Variants in DCDC2C observed in about 807,000 individuals in gnomAD.
The protein encoded by DCDC2C is doublecortin domain-containing protein 2C.
A neutral mutation model predicts 45.0 loss-of-function variants in DCDC2C; 44 were observed. The ratio of observed to expected loss-of-function variants is 0.98; its 90% CI spans 0.77 to 1.26. The LOEUF is 1.26. DCDC2C is among the 50% of genes most tolerant of loss of function. DCDC2C has a pLI of 0.00. For missense variants in DCDC2C, 447 were observed against 468.9 expected (o/e 0.95, Z 0.43); for synonymous variants, 187 against 178.8 (o/e 1.05, Z -0.37).
chr2:3,801,761 T>C (rs1671120155), intron 10 of DCDC2C, among the ~76,000 whole-genome samples: 1 of 152,194 alleles, frequency 6.6e-6, no homozygotes, highest in African/African-American at 2.4e-5. Flanking sequence ...ATGCCTGCCT[T>C]TCCCTGCAGC....
chr2:3,756,444 G>C (rs990158404), intron 6 of DCDC2C, among the ~76,000 whole-genome samples: 4 of 152,132 alleles, frequency 2.6e-5, no homozygotes, highest in Non-Finnish European at 5.9e-5. Context: ...ATAGCCCTGG[G>C]CTTTGCTTTT....
At chr2:3,817,117 A>T (rs1671575742) in intron 10 of DCDC2C, among the ~76,000 whole-genome samples, 1 of 152,058 alleles carries the variant, frequency 6.6e-6, no homozygotes, top group Non-Finnish European at 1.5e-5. Context: ...TGAGAAGGAG[A>T]AAAACTGCCG....
chr2:3,818,241 G>A lies in DCDC2C; in HGVS notation c.1066-28913G>A, dbSNP rs1671601434. Among the ~76,000 whole-genome samples the A allele has an allele frequency of 6.6e-6, 1 of 152,216 alleles. No homozygotes were observed. The highest frequency in any genetic ancestry group is 1.5e-5 in the Non-Finnish European group (1 of 68,040). ...TGAGAAAGGGCTTGACTGAAGTAATGAGGGCTGTCCATGAAGCCTTGTGGC... is the reference window on the plus strand; with the variant it reads ...TGAGAAAGGGCTTGACTGAAGTAATAAGGGCTGTCCATGAAGCCTTGTGGC... On this transcript the variant is annotated intron_variant, in intron 10 of 10. Coordinates refer to ENST00000399143, the MANE Select transcript of DCDC2C (RefSeq NM_001287444.2). The surrounding 1 kb of genome is among the most constrained non-coding windows in gnomAD (Gnocchi z 4.7).
intron 10 of DCDC2C, among the ~76,000 whole-genome samples, chr2:3,801,480 G>A (rs1025691248): frequency 1.1e-4 from 17 of 152,222 alleles, no homozygotes; most frequent in Admixed American, 4.6e-4. Context: ...AATATTAGAA[G>A]TAGAACACAT....
intron 6 of DCDC2C, among the ~76,000 whole-genome samples, chr2:3,767,079 C>T (rs10175071): frequency 0.027 from 4,039 of 152,312 alleles, 171 homozygotes; most frequent in African/African-American, 0.09. Flanking sequence ...GGTAGGGCTG[C>T]GCCATGATGT....
intron 6 of DCDC2C, among the ~76,000 whole-genome samples, chr2:3,762,915 CGT>C (rs1198448399): frequency 1.3e-5 from 2 of 151,878 alleles, no homozygotes; most frequent in African/African-American, 4.8e-5. Context: ...GAACAGCAAG[CGT>C]GTGTGAGGCT....
intron 7 of DCDC2C, among the ~76,000 whole-genome samples, 159 bp downstream of exon 7, chr2:3,768,039 G>A (rs1470210187): frequency 6.6e-6 from 1 of 151,602 alleles, no homozygotes; most frequent in Non-Finnish European, 1.5e-5. Flanking sequence ...AGGTAGTTCA[G>A]TAGTTGGCAG....
intron 10 of DCDC2C, among the ~76,000 whole-genome samples, chr2:3,800,408 G>A (rs928646523): frequency 1.1e-4 from 16 of 152,172 alleles, no homozygotes; most frequent in African/African-American, 3.9e-4. Flanking sequence ...CAAATTTGAA[G>A]TTTTTTGAAT....
rs547828006 is a variant in DCDC2C, at chr2:3,762,797, C to T, written c.727-4957C>T. On this transcript the variant is annotated intron_variant, in intron 6 of 10. Transcript: ENST00000399143. ...AAACTATATCAGTGTGGGAACAAGA[C>T]GACCTTTGAGTTGGGTCTTGGAGGA... Among the ~76,000 whole-genome samples the T allele has an allele frequency of 6.4e-4, 98 of 152,218 alleles. 1 individual carries two copies. The highest frequency in any genetic ancestry group is 3.4e-3 in the Middle Eastern group (1 of 294).
chr2:3,796,789 T>C (rs1670967151), intron 10 of DCDC2C, among the ~76,000 whole-genome samples: 2 of 147,980 alleles, frequency 1.4e-5, no homozygotes, highest in Non-Finnish European at 3.0e-5. Context: ...TATTGAGGAT[T>C]TTTGCATCAA....
chr2:3,741,521 G>T lies in DCDC2C; in HGVS notation c.417-399G>T, dbSNP rs140950278. ...TGCCCGTCTGTATGCCTCCCCTAGA[G>T]GTTTGAGCAGTGAGGCACTGAAAAA... On this transcript the variant is annotated intron_variant, in intron 3 of 10. Transcript: ENST00000399143. 6.3e-3 allele frequency among the ~76,000 whole-genome samples: 959 copies of T among 152,218 alleles called. 12 individuals are homozygous for T. Among genetic ancestry groups the T allele is most frequent in the African/African-American group, 0.022 (917 of 41,534 alleles).
Position 3,816,902 on chromosome 2 carries a change from TC to T in DCDC2C, c.1066-30250del, listed in dbSNP as rs1671571921. On this transcript the variant is annotated intron_variant, in intron 10 of 10. Transcript: ENST00000399143. ...GAAGTGATTTCCTTGAGGATAGATT[TC>T]CACAATGGAAAGGAAATGAGACGTT... Among the ~76,000 whole-genome samples the T allele has an allele frequency of 2.0e-5, 3 of 152,210 alleles. No homozygotes were observed. In the South Asian group the frequency reaches 6.2e-4, roughly 32 times the overall value.
At chr2:3,815,722 T>A (rs1671540028) in intron 10 of DCDC2C, among the ~76,000 whole-genome samples, 1 of 151,644 alleles carries the variant, frequency 6.6e-6, no homozygotes, top group Non-Finnish European at 1.5e-5. Context: ...CAAAGGAAGT[T>A]GTTCTCTGGC....
chr2:3,819,404 A>G (rs1280974451), intron 10 of DCDC2C, among the ~76,000 whole-genome samples: 1 of 152,228 alleles, frequency 6.6e-6, no homozygotes, highest in South Asian at 2.1e-4. Flanking sequence ...ATGCTTGACC[A>G]CTGCAGCTTA....
At position 3,818,364 on chromosome 2, in the gene DCDC2C, A is replaced by G. The variant is rs1331785373; in HGVS notation, c.1066-28790A>G. Among the ~76,000 whole-genome samples, 2 of 152,178 alleles carry G rather than the reference A, an allele frequency of 1.3e-5. No homozygotes were observed. Among genetic ancestry groups the G allele is most frequent in the Non-Finnish European group, 2.9e-5 (2 of 68,036 alleles). On this transcript the variant is annotated intron_variant, in intron 10 of 10. Transcript: ENST00000399143. This position sits in a 1 kb window ranked among gnomAD's most constrained non-coding sequence, Gnocchi z 4.7. ...GATGAAGGGTGCAAAGGAATAGTAA[A>G]GAAAGCATATTTGAGATCCTGAACA...
At chr2:3,778,702 C>T in intron 8 of DCDC2C, 114 bp from the exon 9 acceptor site, 1 of 929,224 alleles carries the variant, frequency 1.1e-6, no homozygotes, top group Non-Finnish European at 1.6e-6. Flanking sequence ...AGTGACTTCC[C>T]CAGCTCTACC....
intron 10 of DCDC2C, among the ~76,000 whole-genome samples, chr2:3,811,309 T>C (rs1671385158): frequency 6.6e-6 from 1 of 152,218 alleles, no homozygotes; most frequent in Admixed American, 6.5e-5. Flanking sequence ...CCTTGTAAAT[T>C]GTATTCCTAG....
chr2:3,816,283 C>A (rs1257833794), intron 10 of DCDC2C, among the ~76,000 whole-genome samples: 2 of 136,532 alleles, frequency 1.5e-5, no homozygotes, highest in African/African-American at 2.8e-5. Context: ...TTGGGAGGAC[C>A]CAGGTCATCC....
chr2:3,718,687 C>T (rs887652575), intron 2 of DCDC2C, among the ~76,000 whole-genome samples: 4 of 152,162 alleles, frequency 2.6e-5, no homozygotes, highest in African/African-American at 9.7e-5. Context: ...ACTGAGCATA[C>T]ACTCTGAAAC....
Sources: gnomAD v4.1 joint callset for allele counts (sites outside exome capture counted in the v4.1 genomes callset) on GRCh38, gnomAD v4.1.1 for gene constraint, Gnocchi (gnomAD v3.1) non-coding constraint, MANE v1.5 for transcripts, NCBI Gene and HGNC (gene_info 2026-07-23, HGNC 2026-07-21) for gene names.